CD247: variants seen among roughly 807,000 people sequenced by gnomAD.
CD247 encodes the protein T-cell surface glycoprotein CD3 zeta chain.
In CD247, 13 loss-of-function variants were observed where a neutral mutation model predicts 30.0. The ratio of observed to expected loss-of-function variants is 0.43; its 90% confidence interval spans 0.28 to 0.69. The LOEUF (loss-of-function observed/expected upper bound fraction) is 0.69, where lower values mean the gene tolerates loss of function less well. Ranked by LOEUF, CD247 falls within the 30% of genes least tolerant of loss-of-function variation. The probability of loss-of-function intolerance (pLI) is 0.16; values close to 1 mark genes in which losing one functional copy is unlikely to be tolerated. For missense variants in CD247, 193 were observed against 212.6 expected, an observed-to-expected ratio of 0.91 and a Z score of 0.57; for synonymous variants, 72 against 80.0, an observed-to-expected ratio of 0.90 and a Z score of 0.53.
chr1:167,490,643 T>G (rs1654408014), intron 1 of CD247, among the ~76,000 whole-genome samples: 1 of 150,144 alleles, frequency 6.7e-6, no homozygotes, highest in African/African-American at 2.5e-5. Context: ...AAAAAAATTA[T>G]TTTTGAAGGT....
chr1:167,446,532 G>A (rs1489394442), intron 1 of CD247, among the ~76,000 whole-genome samples: 1 of 152,154 alleles, frequency 6.6e-6, no homozygotes, highest in Non-Finnish European at 1.5e-5. Flanking sequence ...TTTGTGGGGT[G>A]CCCTGCACAG....
chr1:167,483,815 G>A (rs1342895309), intron 1 of CD247, among the ~76,000 whole-genome samples: 1 of 152,330 alleles, frequency 6.6e-6, no homozygotes, highest in East Asian at 1.9e-4. Context: ...GTGCCCCTCA[G>A]CTTTGAACCC....
At chr1:167,498,566 A>G (rs1488826918) in intron 1 of CD247, among the ~76,000 whole-genome samples, 2 of 152,198 alleles carry the variant, frequency 1.3e-5, no homozygotes, top group Admixed American at 1.3e-4. Flanking sequence ...GAAAACATTT[A>G]TTACAGTGCT....
intron 1 of CD247, among the ~76,000 whole-genome samples, chr1:167,468,419 TC>T (rs1653364575): frequency 1.3e-5 from 2 of 152,230 alleles, no homozygotes; most frequent in African/African-American, 4.8e-5. Flanking sequence ...GTCAATTTTT[TC>T]TTCTGAATCA....
chr1:167,445,547 TAA>T (rs34111618), intron 1 of CD247, among the ~76,000 whole-genome samples: 3 of 151,498 alleles, frequency 2.0e-5, no homozygotes, highest in Non-Finnish European at 2.9e-5. Context: ...TCATCTTCAT[TAA>T]AAAAAAAGCC....
At chr1:167,455,750 G>T (rs943300986) in intron 1 of CD247, among the ~76,000 whole-genome samples, 8 of 152,244 alleles carry the variant, frequency 5.3e-5, no homozygotes, top group African/African-American at 1.9e-4. Context: ...GTGGATCTGC[G>T]CCGGGCTCCG....
chr1:167,495,368 A>G (rs144917963), intron 1 of CD247, among the ~76,000 whole-genome samples: 76 of 152,288 alleles, frequency 5.0e-4, no homozygotes, highest in African/African-American at 1.8e-3. Context: ...ATACTCATAA[A>G]TGACAGAGGT....
chr1:167,478,225 A>G (rs1653831981), intron 1 of CD247, among the ~76,000 whole-genome samples: 1 of 152,210 alleles, frequency 6.6e-6, no homozygotes, highest in Admixed American at 6.5e-5. Context: ...TGTCTCTCAC[A>G]CACAGATGGA....
At chr1:167,450,237 T>G (rs1328306256) in intron 1 of CD247, among the ~76,000 whole-genome samples, 1 of 152,220 alleles carries the variant, frequency 6.6e-6, no homozygotes, top group South Asian at 2.1e-4. Flanking sequence ...GGCTCAGGCC[T>G]GTAATCCCAA....
Position 167,434,051 on chromosome 1 carries a change from T to C in CD247, c.362A>G (p.Glu121Gly). The C allele has an allele frequency of 6.2e-7, 1 of 1,614,128 alleles. No homozygotes were observed. Among genetic ancestry groups the C allele is most frequent in the Non-Finnish European group, 8.5e-7 (1 of 1,179,958 alleles). Residue 121 changes from glutamate (E) to glycine (G), a missense_variant, in exon 6 of 8, where the codon GAG (glutamate) becomes GGG (glycine). Glu to Gly is a moderately conservative substitution (Grantham distance 98). Coordinates refer to ENST00000362089, the MANE Select transcript of CD247 (RefSeq NM_198053.3). ...YNELQKDKMA[E>G]AYSEIGMKGE... ...TTTCATCCCAATCTCACTGTAGGCC[T>C]CCGCCATCTTATCTTTCTGCAGTTC...
chr1:167,487,005 T>C (rs1362963716), intron 1 of CD247, among the ~76,000 whole-genome samples: 1 of 142,466 alleles, frequency 7.0e-6, no homozygotes, highest in African/African-American at 2.7e-5. Context: ...ACCCCAGAGA[T>C]GGAGGTTGCA....
chr1:167,432,082 C>T (rs1454815856), intron 7 of CD247, among the ~76,000 whole-genome samples: 1 of 145,102 alleles, frequency 6.9e-6, no homozygotes, highest in African/African-American at 2.6e-5. Flanking sequence ...AGTCTCCCAC[C>T]TCCCATATTG....
intron 1 of CD247, among the ~76,000 whole-genome samples, chr1:167,473,656 T>C (rs1359230971): frequency 6.6e-6 from 1 of 152,208 alleles, no homozygotes; most frequent in Non-Finnish European, 1.5e-5. Flanking sequence ...CGTTCTCTCT[T>C]TCAGCCAAGG....
At chr1:167,461,018 G>A (rs372145381) in intron 1 of CD247, among the ~76,000 whole-genome samples, 9 of 152,204 alleles carry the variant, frequency 5.9e-5, no homozygotes, top group Non-Finnish European at 8.8e-5. Context: ...GTGAGCATTC[G>A]CCTATGACGT....
intron 1 of CD247, among the ~76,000 whole-genome samples, chr1:167,516,198 C>T (rs940074139): frequency 6.6e-6 from 1 of 152,248 alleles, no homozygotes; most frequent in Non-Finnish European, 1.5e-5. Flanking sequence ...ACCACACTGA[C>T]CGCTGGGTGC....
At chr1:167,434,743 G>T in intron 5 of CD247, 1 of 453,648 alleles carries the variant, frequency 2.2e-6, no homozygotes, top group Non-Finnish European at 4.4e-6. Flanking sequence ...CAGCAGCAGG[G>T]TTTGGGGAGG....
chr1:167,503,462 C>G (rs1004508673), intron 1 of CD247, among the ~76,000 whole-genome samples: 1 of 152,166 alleles, frequency 6.6e-6, no homozygotes, highest in African/African-American at 2.4e-5. Flanking sequence ...CATTGCATAA[C>G]TCTATCTTCC....
At chr1:167,493,364 T>C (rs897851252) in intron 1 of CD247, among the ~76,000 whole-genome samples, 5 of 152,054 alleles carry the variant, frequency 3.3e-5, no homozygotes, top group Admixed American at 1.3e-4. Flanking sequence ...TTTTGTCCCA[T>C]CTTCCTTTTT....
chr1:167,501,244 A>C (rs1302037488), intron 1 of CD247, among the ~76,000 whole-genome samples: 1 of 151,216 alleles, frequency 6.6e-6, no homozygotes, highest in Non-Finnish European at 1.5e-5. Flanking sequence ...TTTTCAGTAG[A>C]GACGGGGTTT....
Sources: allele counts gnomAD v4.1 joint callset (sites outside exome capture counted in the v4.1 genomes callset), GRCh38; gene constraint gnomAD v4.1.1; transcripts MANE v1.5; gene names NCBI Gene and HGNC (gene_info 2026-07-23, HGNC 2026-07-21).